Variants in PLXNB1 observed in about 807,000 individuals in gnomAD.
PLXNB1 encodes plexin B1, also known as plexin-B1.
In PLXNB1, 106 loss-of-function variants were observed where a neutral mutation model predicts 209.4. The observed-to-expected ratio is 0.51, with a 90% CI of 0.43 to 0.59. PLXNB1 has a LOEUF of 0.59. Ranked by LOEUF, PLXNB1 falls within the 20% of genes least tolerant of loss-of-function variation. PLXNB1 has a pLI of 0.00. For missense variants in PLXNB1, 2,357 were observed against 2,853.2 expected, an observed-to-expected ratio of 0.83 and a Z score of 3.96; for synonymous variants, 1,167 against 1,183.2, an observed-to-expected ratio of 0.99 and a Z score of 0.28.
Position 48,406,552 on chromosome 3 carries a change from G to A in PLXNB1, c.6228+271C>T. Reference sequence around the variant, plus strand: ...GCAGGCAGACCCAGGCAGGCCTGGGGCTGAATCCCAGCTACCTTGCAAGAG... The same window carrying A: ...GCAGGCAGACCCAGGCAGGCCTGGGACTGAATCCCAGCTACCTTGCAAGAG... On this transcript the variant is annotated intron_variant, in intron 36 of 37. Transcript: ENST00000296440. This position sits in a 1 kb window ranked among gnomAD's most constrained non-coding sequence, Gnocchi z 4.4. The A allele has an allele frequency of 1.0e-6, 1 of 984,546 alleles. No homozygotes were observed. The highest frequency in any genetic ancestry group is 1.7e-5 in the African/African-American group (1 of 57,336). 61.0% of individuals were successfully genotyped at this position (984,546 alleles called of 1,614,324 possible).
At position 48,415,175 on chromosome 3, in the gene PLXNB1, CT is replaced by C. The variant is rs1206257976; in HGVS notation, c.3966del (p.Gln1322HisfsTer46). 1.9e-6 allele frequency: 3 copies of C among 1,610,958 alleles called. No individual in the cohort carries two copies. Among genetic ancestry groups the C allele is most frequent in the East Asian group, 2.2e-5 (1 of 44,774 alleles). The stretch of plus-strand genomic sequence containing the variant: ...TGTGGGGGTACCCAAGGGTGTCCTA[CT>C]TGCTGGCTACTGCAGGAGGGTCCAA... ...CSLGPSCSSQ[Q>X]FEEPCHVNSS... On this transcript the variant is annotated frameshift_variant and splice_region_variant, in exon 20 of 38. Transcript: ENST00000296440. LOFTEE classifies it high-confidence loss of function. This position sits in a 1 kb window ranked among gnomAD's most constrained non-coding sequence, Gnocchi z 5.0.
In PLXNB1 at chr3:48,424,434, G is replaced by A. The variant is rs1290577398; in HGVS notation, c.178C>T (p.Pro60Ser). Reference sequence around the variant, plus strand: ...ACTGTGGCCTCCAGCTGCAGCCCAGGGCTCAGCTGGAACAGGAAGTTGGTA... The same window carrying A: ...ACTGTGGCCTCCAGCTGCAGCCCAGAGCTCAGCTGGAACAGGAAGTTGGTA... The part of the protein sequence containing the change: ...GATNFLFQLS[P>S]GLQLEATVST... Residue 60 changes from proline to serine, a missense_variant, in exon 3 of 38, where the codon CCT (proline) becomes TCT (serine). Physicochemically the swap from Pro to Ser is moderately conservative, Grantham distance 74 (BLOSUM62 -1). Transcript: ENST00000296440. 1.9e-6 allele frequency: 3 copies of A among 1,579,522 alleles called. No homozygotes were observed. In the South Asian group the frequency reaches 3.5e-5, roughly 18 times the overall value.
chr3:48,410,235 T>A lies in PLXNB1; in HGVS notation c.5605+61A>T. 2.0e-6 allele frequency: 3 copies of A among 1,489,190 alleles called. No individual in the cohort carries two copies. Among genetic ancestry groups the A allele is most frequent in the Non-Finnish European group, 2.7e-6 (3 of 1,092,150 alleles). 92.2% of individuals were successfully genotyped at this position (1,489,190 alleles called of 1,614,324 possible). On this transcript the variant is annotated intron_variant, in intron 31 of 37. Transcript: ENST00000296440. The surrounding 1 kb of genome is among the most constrained non-coding windows in gnomAD (Gnocchi z 6.4). ...GCCTGCCCTGAGGCCCAGAGGACCT[T>A]CCCCATGACTCCGGGCTGGGCACAG...
At position 48,416,076 on chromosome 3, in the gene PLXNB1, C is replaced by T. The variant is rs778946922; in HGVS notation, c.3572G>A (p.Arg1191Gln). The T allele has an allele frequency of 5.0e-6, 8 of 1,601,848 alleles. No homozygotes were observed. Among genetic ancestry groups the T allele is most frequent in the Admixed American group, 1.7e-5 (1 of 58,508 alleles). The change falls in exon 18 of 38, where the codon CGG becomes CAG. Residue 1191 changes from arginine (R) to glutamine (Q), a missense_variant. Transcript: ENST00000296440. The surrounding 1 kb of genome is among the most constrained non-coding windows in gnomAD (Gnocchi z 4.1). ...AACCACCACTCGGATGTCCTCCAGC[C>T]GCCCAGTCAGGAGCTTGGAGCCATT... ...TLNGSKLLTGRLEDIRVVVGD... is the reference protein window; with the variant it reads ...TLNGSKLLTGQLEDIRVVVGD...
At position 48,422,960 on chromosome 3, in the gene PLXNB1, A is replaced by G; in HGVS notation, c.1108-13T>C. The stretch of plus-strand genomic sequence containing the variant: ...CATCCAGGGTGTCCTATAGGCAGCA[A>G]GAAGCATCAGGAAGGCCCTCCCTGG... On this transcript the variant is annotated splice_polypyrimidine_tract_variant and intron_variant, in intron 3 of 37. Coordinates refer to ENST00000296440, the MANE Select transcript of PLXNB1 (RefSeq NM_001130082.3). The G allele has an allele frequency of 1.2e-6, 2 of 1,606,958 alleles. No homozygotes were observed. Among genetic ancestry groups the G allele is most frequent in the South Asian group, 2.2e-5 (2 of 90,812 alleles).
At chr3:48,421,972 G>C in intron 6 of PLXNB1, 133 bp downstream of exon 6, 2 of 1,309,798 alleles carry the variant, frequency 1.5e-6, no homozygotes, top group Non-Finnish European at 2.1e-6. Context: ...CAGAGGATGG[G>C]GGTGAGGAAT....
In PLXNB1 at chr3:48,421,822, A is replaced by G; in HGVS notation, c.1521-16T>C. ...GCGACTGCACCTGGGCGAGATGACC[A>G]GTGTCTATCTGTGACCCTCATGGGC... On this transcript the variant is annotated splice_polypyrimidine_tract_variant and intron_variant, in intron 6 of 37. Transcript: ENST00000296440. 6.3e-7 allele frequency: 1 copy of G among 1,591,744 alleles called. No homozygotes were observed. The highest frequency in any genetic ancestry group is 8.6e-7 in the Non-Finnish European group (1 of 1,163,434).
At chr3:48,407,465 G>A (rs72925212) in intron 34 of PLXNB1, among the ~76,000 whole-genome samples, 54 of 152,226 alleles carry the variant, frequency 3.5e-4, no homozygotes, top group South Asian at 1.2e-3. Flanking sequence ...TTACCTAAGC[G>A]GCCACAGACC....
At chr3:48,408,681 G>A (rs1458914115) in intron 34 of PLXNB1, among the ~76,000 whole-genome samples, 1 of 151,954 alleles carries the variant, frequency 6.6e-6, no homozygotes, top group Non-Finnish European at 1.5e-5. Context: ...AACCCAATCA[G>A]CAGCCCAGAG....
chr3:48,421,103 G>C, intron 8 of PLXNB1, 125 bp downstream of exon 8: 1 of 1,316,056 alleles, frequency 7.6e-7, no homozygotes, highest in African/African-American at 1.5e-5. Flanking sequence ...CAGGTGGTTG[G>C]GGAGTGGGAG....
Position 48,415,276 on chromosome 3 carries a change from ACGGTCACC to A in PLXNB1, c.3858_3865del (p.Val1287GlyfsTer31). The A allele has an allele frequency of 6.2e-7, 1 of 1,613,548 alleles. No individual in the cohort carries two copies. The highest frequency in any genetic ancestry group is 8.5e-7 in the Non-Finnish European group (1 of 1,180,008). ...GCTGGGCTGCAGCATTCTCGAGACC[ACGGTCACC>A]CGGATTCTTGGCGTCTGTACCACGT... On this transcript the variant is annotated frameshift_variant, in exon 20 of 38. Coordinates refer to ENST00000296440, the MANE Select transcript of PLXNB1 (RefSeq NM_001130082.3). LOFTEE classifies it high-confidence loss of function. The surrounding 1 kb of genome is among the most constrained non-coding windows in gnomAD (Gnocchi z 5.0).
chr3:48,415,943 C>T lies in PLXNB1; in HGVS notation c.3617+88G>A, dbSNP rs1198363046. 3 of 1,467,832 alleles carry T rather than the reference C, an allele frequency of 2.0e-6. No homozygotes were observed. In the East Asian group the frequency reaches 7.4e-5, roughly 36 times the overall value. 90.9% of individuals were successfully genotyped at this position (1,467,832 alleles called of 1,614,324 possible). On this transcript the variant is annotated intron_variant, in intron 18 of 37. Transcript: ENST00000296440. This position sits in a 1 kb window ranked among gnomAD's most constrained non-coding sequence, Gnocchi z 5.0. ...TCTGAAGGAGCAGACTGGCCCTCTT[C>T]CCCTTTCTGCTCTCCCCAGGATCTC...
chr3:48,416,349 G>A lies in PLXNB1; in HGVS notation c.3477C>T (p.Tyr1159=), dbSNP rs762878500. 2 of 1,610,192 alleles carry A rather than the reference G, an allele frequency of 1.2e-6. No homozygotes were observed. The highest frequency in any genetic ancestry group is 4.5e-5 in the East Asian group (2 of 44,864). ...GRGVSEHDFA[Y]QDPKVHSIFP... ...GGGTGGCTCAGCAGTCAGGTACCTGGTAGGCAAAGTCGTGTTCTGAGACAC... is the reference window on the plus strand; with the variant it reads ...GGGTGGCTCAGCAGTCAGGTACCTGATAGGCAAAGTCGTGTTCTGAGACAC... The change falls in exon 17 of 38, where the codon TAC becomes TAT. Residue 1159 remains tyrosine, a synonymous_variant. Coordinates refer to ENST00000296440, the MANE Select transcript of PLXNB1 (RefSeq NM_001130082.3). The surrounding 1 kb of genome is among the most constrained non-coding windows in gnomAD (Gnocchi z 4.1).
chr3:48,420,178 G>C lies in PLXNB1; in HGVS notation c.2108C>G (p.Thr703Ser). The part of the protein sequence containing the change: ...SPPTAPKALA[T>S]PAPDTLPVEP... ...CACGGGAAGGGTGTCAGGAGCAGGG[G>C]TGGCCAGGGCTTTGGGGGCTGTGGG... Residue 703 changes from threonine (T) to serine (S), a missense_variant, in exon 11 of 38, where the codon ACC becomes AGC. Physicochemically the swap from Thr to Ser is moderately conservative, Grantham distance 58. This residue lies in a region of PLXNB1 where 410 missense variants were observed against 401.0 expected (regional missense o/e 1.02). Transcript: ENST00000296440. The C allele has an allele frequency of 6.3e-7, 1 of 1,592,010 alleles. No homozygotes were observed. Among genetic ancestry groups the C allele is most frequent in the South Asian group, 1.1e-5 (1 of 87,968 alleles).
At position 48,418,025 on chromosome 3, in the gene PLXNB1, C is replaced by T. The variant is rs749063237; in HGVS notation, c.3260G>A (p.Arg1087His). ...PLTGPVDGGT[R>H]VTIRGSNLGQ... ...CAGGTTGGAGCCCCTGATGGTGACA[C>T]GGGTGCCTCCGTCTACAGGCCCAGT... The change falls in exon 16 of 38, where the codon CGT becomes CAT. Residue 1087 changes from arginine (R) to histidine (H), a missense_variant. This residue lies in a region of PLXNB1 where 743 missense variants were observed against 896.2 expected (regional missense o/e 0.83). Transcript: ENST00000296440. This position sits in a 1 kb window ranked among gnomAD's most constrained non-coding sequence, Gnocchi z 6.6. 2.2e-5 allele frequency: 35 copies of T among 1,613,378 alleles called. No individual in the cohort carries two copies. The highest frequency in any genetic ancestry group is 9.3e-5 in the African/African-American group (7 of 74,934).
intron 7 of PLXNB1, 38 bp downstream of exon 7, chr3:48,421,636 G>T (rs1377879132): frequency 6.4e-7 from 1 of 1,565,030 alleles, no homozygotes; most frequent in Non-Finnish European, 8.7e-7. Flanking sequence ...GATGCCCAGA[G>T]CCCTCCCCAC....
chr3:48,423,569 T>C lies in PLXNB1; in HGVS notation c.1043A>G (p.Glu348Gly). 3 of 1,614,166 alleles carry C rather than the reference T, an allele frequency of 1.9e-6. No homozygotes were observed. The highest frequency in any genetic ancestry group is 2.5e-6 in the Non-Finnish European group (3 of 1,180,018). ...DACYTREGRA[E>G]DGTEVAYIEY... ...GATGTAGGCCACCTCGGTCCCATCC[T>C]CAGCACGACCCTCCCGGGTGTAGCA... The change falls in exon 3 of 38, where the codon GAG (glutamate) becomes GGG (glycine). Residue 348 changes from glutamate (E) to glycine (G), a missense_variant. By Grantham distance (98) the Glu-to-Gly change is moderately conservative. Around this residue, in one of 7 missense-constraint regions of PLXNB1, gnomAD observed 404 missense variants for 443.6 expected, o/e 0.91. Transcript: ENST00000296440.
rs1183929981 is a variant in PLXNB1 at position 48,420,615 on chromosome 3, A to G, written c.2028+50T>C. ...CCCGGGCCATGAGAAAAACTCTCACACTGGGACCCCCAACCCCCCCGGTAT... is the reference window on the plus strand; with the variant it reads ...CCCGGGCCATGAGAAAAACTCTCACGCTGGGACCCCCAACCCCCCCGGTAT... On this transcript the variant is annotated intron_variant, in intron 10 of 37. Coordinates refer to ENST00000296440, the MANE Select transcript of PLXNB1 (RefSeq NM_001130082.3). 47 of 1,459,062 alleles carry G rather than the reference A, an allele frequency of 3.2e-5. No individual in the cohort carries two copies. The Admixed American group carries it at 6.4e-4, about 20-fold the overall frequency. 90.4% of individuals were successfully genotyped at this position (1,459,062 alleles called of 1,614,324 possible).
chr3:48,404,391 G>A lies in PLXNB1; in HGVS notation c.*95C>T, dbSNP rs1458510989. The A allele has an allele frequency of 4.2e-6, 3 of 719,708 alleles. No homozygotes were observed. In the Admixed American group the frequency reaches 8.0e-5, roughly 19 times the overall value. 44.6% of individuals were successfully genotyped at this position (719,708 alleles called of 1,614,324 possible). ...CACCTTCCACTAACTCTGCTTGTCA[G>A]TCACTACAGGCACCTAAGAAGGTGG... On this transcript the variant is annotated 3_prime_UTR_variant, in exon 38 of 38. Transcript: ENST00000296440.
Sources: allele counts gnomAD v4.1 joint callset (sites outside exome capture counted in the v4.1 genomes callset), GRCh38; gene constraint gnomAD v4.1.1; regional missense constraint gnomAD v4.1.1; non-coding constraint Gnocchi (gnomAD v3.1); transcripts MANE v1.5; gene names NCBI Gene and HGNC (gene_info 2026-07-23, HGNC 2026-07-21).